The following AFG2A variants were observed in gnomAD, a reference collection of about 807,000 sequenced individuals.
The protein encoded by AFG2A is ATPase family gene 2 protein homolog A.
the AFG2A span, among the ~76,000 whole-genome samples, chr4:123,130,555 T>TAACCTCTTTTATTTCAC: frequency 8.9e-6 from 1 of 111,976 alleles, no homozygotes. Flanking sequence ...TTATTTCACA[T>TAACCTCTTTTATTTCAC]GTTTTCGAGA....
the AFG2A span, chr4:123,319,228 C>T: frequency 1.3e-5 from 2 of 151,950 alleles, no homozygotes; most frequent in African/African-American, 4.8e-5. Context: ...TTTAATTTAG[C>T]CTAATCAGAA....
chr4:123,044,405 C>T, the AFG2A span, among the ~76,000 whole-genome samples: 7 of 152,118 alleles, frequency 4.6e-5, no homozygotes. Context: ...TTCAGTTATC[C>T]ATTTGTAAAC....
At chr4:123,099,343 G>A in the AFG2A span, among the ~76,000 whole-genome samples, 1 of 151,774 alleles carries the variant, frequency 6.6e-6, no homozygotes. Flanking sequence ...CTGTGCAGAG[G>A]CTTTTTAGCT....
At chr4:123,070,094 T>G in the AFG2A span, among the ~76,000 whole-genome samples, 4 of 152,324 alleles carry the variant, frequency 2.6e-5, no homozygotes, top group South Asian at 2.1e-4. Flanking sequence ...CTATGCTGTT[T>G]GAAGCTTCTG....
chr4:123,147,248 T>G, the AFG2A span, among the ~76,000 whole-genome samples: 5 of 152,132 alleles, frequency 3.3e-5, no homozygotes, highest in Non-Finnish European at 5.9e-5. Context: ...TCTAGATCTT[T>G]AGTGCCTAAA....
chr4:123,202,675 G>A, the AFG2A span, among the ~76,000 whole-genome samples: 1 of 152,100 alleles, frequency 6.6e-6, no homozygotes, highest in Admixed American at 6.5e-5. Flanking sequence ...GTTTTTCTGT[G>A]TGTGCAATGC....
At chr4:123,120,463 T>G in the AFG2A span, among the ~76,000 whole-genome samples, 1 of 152,206 alleles carries the variant, frequency 6.6e-6, no homozygotes, top group Non-Finnish European at 1.5e-5. Context: ...TAACTAAAGT[T>G]AGTTAATATA....
At chr4:123,305,996 C>T in the AFG2A span, among the ~76,000 whole-genome samples, 1 of 152,310 alleles carries the variant, frequency 6.6e-6, no homozygotes, top group Admixed American at 6.5e-5. Flanking sequence ...TCTCATCCCG[C>T]GGAGTTGCTT....
At chr4:123,274,581 A>G in the AFG2A span, among the ~76,000 whole-genome samples, 7 of 150,442 alleles carry the variant, frequency 4.7e-5, no homozygotes, top group African/African-American at 1.7e-4. Flanking sequence ...TAATTATATA[A>G]AAGAGCACAT....
the AFG2A span, among the ~76,000 whole-genome samples, chr4:123,267,035 A>G: frequency 6.6e-5 from 10 of 152,042 alleles, no homozygotes; most frequent in South Asian, 2.1e-4. Flanking sequence ...TATTCAGTGT[A>G]TGAAAGACAC....
chr4:123,026,827 A>G, the AFG2A span, among the ~76,000 whole-genome samples: 2 of 152,340 alleles, frequency 1.3e-5, no homozygotes, highest in South Asian at 2.1e-4. Flanking sequence ...TAGTCATCAC[A>G]TAGTCCATAT....
the AFG2A span, among the ~76,000 whole-genome samples, chr4:123,115,756 A>G: frequency 6.6e-6 from 1 of 151,992 alleles, no homozygotes; most frequent in Non-Finnish European, 1.5e-5. Context: ...CGGCTGCCAA[A>G]GTGGCAGTGA....
chr4:122,960,050 G>A, the AFG2A span, among the ~76,000 whole-genome samples: 1 of 152,130 alleles, frequency 6.6e-6, no homozygotes, highest in African/African-American at 2.4e-5. Flanking sequence ...GGTTTGATAT[G>A]TCGTGACTTG....
At chr4:123,027,252 A>G in the AFG2A span, among the ~76,000 whole-genome samples, 1 of 152,190 alleles carries the variant, frequency 6.6e-6, no homozygotes, top group Non-Finnish European at 1.5e-5. Context: ...AAGAATGTAC[A>G]AAGAATTCTC....
At chr4:123,194,004 G>C in the AFG2A span, among the ~76,000 whole-genome samples, 1 of 152,298 alleles carries the variant, frequency 6.6e-6, no homozygotes, top group East Asian at 1.9e-4. Flanking sequence ...GAAAGGTATT[G>C]TGTAATAAGG....
the AFG2A span, among the ~76,000 whole-genome samples, chr4:122,985,165 G>A: frequency 7.7e-6 from 1 of 129,740 alleles, no homozygotes. Flanking sequence ...TGCTCTTGTT[G>A]ACCAGACTGG....
chr4:123,206,810 C>A, the AFG2A span, among the ~76,000 whole-genome samples: 1 of 152,080 alleles, frequency 6.6e-6, no homozygotes, highest in Non-Finnish European at 1.5e-5. Flanking sequence ...CAATCAGTTA[C>A]CTTTCACTGT....
At chr4:123,276,523 T>G in the AFG2A span, among the ~76,000 whole-genome samples, 1 of 152,018 alleles carries the variant, frequency 6.6e-6, no homozygotes, top group African/African-American at 2.4e-5. Context: ...TCATTGCAGT[T>G]GCCTTTGGCA....
the AFG2A span, among the ~76,000 whole-genome samples, chr4:123,184,187 G>A: frequency 5.3e-5 from 8 of 151,998 alleles, no homozygotes; most frequent in Non-Finnish European, 8.8e-5. Context: ...TGATTTTAGC[G>A]AACATTTAGG....
Sources: gnomAD v4.1 joint callset for allele counts (sites outside exome capture counted in the v4.1 genomes callset) on GRCh38, gnomAD v4.1.1 for gene constraint, MANE v1.5 for transcripts, NCBI Gene and HGNC (gene_info 2026-07-23, HGNC 2026-07-21) for gene names.